The following KHDRBS2 variants were observed in gnomAD, a reference collection of about 807,000 sequenced individuals.
KHDRBS2 encodes KH RNA binding domain containing, signal transduction associated 2.
Under a neutral mutation model 44.3 loss-of-function variants are expected in KHDRBS2, and 26 were observed. That is an observed-to-expected ratio of 0.59 (90% confidence interval 0.43 to 0.81). The LOEUF (loss-of-function observed/expected upper bound fraction) is 0.81. Ranked by LOEUF, KHDRBS2 falls within the 40% of genes least tolerant of loss-of-function variation. The pLI is 0.00. For missense variants in KHDRBS2, 476 were observed against 433.1 expected (o/e 1.10, Z -0.88); for synonymous variants, 194 against 151.1 (o/e 1.28, Z -2.08).
In KHDRBS2 at chr6:61,713,800, A is replaced by G. The variant is rs116465618; in HGVS notation, c.894-16547T>C. Among the ~76,000 whole-genome samples the G allele has an allele frequency of 1.6e-3, 236 of 151,798 alleles. 1 individual carries two copies. The highest frequency in any genetic ancestry group is 5.3e-3 in the African/African-American group (219 of 41,494). Reference sequence around the variant, plus strand: ...ACAATATAGACTGGGGAAAGAACACACCTTCTTCAATAAAGGATGTTAGAA... The same window carrying G: ...ACAATATAGACTGGGGAAAGAACACGCCTTCTTCAATAAAGGATGTTAGAA... On this transcript the variant is annotated intron_variant, in intron 7 of 8. Coordinates refer to ENST00000281156, the MANE Select transcript of KHDRBS2 (RefSeq NM_152688.4).
intron 6 of KHDRBS2, among the ~76,000 whole-genome samples, chr6:61,852,752 G>A (rs567912198): frequency 6.6e-6 from 1 of 152,014 alleles, no homozygotes; most frequent in South Asian, 2.1e-4. Context: ...ACTATACAAT[G>A]GCTTAGCAAT....
intron 1 of KHDRBS2, among the ~76,000 whole-genome samples, chr6:62,197,295 T>C (rs1278523080): frequency 1.3e-5 from 2 of 152,122 alleles, no homozygotes; most frequent in Non-Finnish European, 2.9e-5. Flanking sequence ...AAGTTAAAAC[T>C]TGCAAACCCA....
the KHDRBS2 span, among the ~76,000 whole-genome samples, chr6:61,586,298 A>G: frequency 6.6e-6 from 1 of 152,186 alleles, no homozygotes; most frequent in South Asian, 2.1e-4. Flanking sequence ...TTGTCCCAAT[A>G]TCAGAACATT....
chr6:62,257,178 C>A (rs1253562755), intron 1 of KHDRBS2, among the ~76,000 whole-genome samples: 4 of 151,686 alleles, frequency 2.6e-5, no homozygotes. Flanking sequence ...ATCTTCTGTC[C>A]CAATCTTAAT....
intron 1 of KHDRBS2, among the ~76,000 whole-genome samples, chr6:62,205,983 G>A (rs1827896413): frequency 6.6e-6 from 1 of 152,162 alleles, no homozygotes; most frequent in South Asian, 2.1e-4. Flanking sequence ...ATGAATTTTA[G>A]TTGAAGAGAA....
chr6:61,821,805 G>A (rs1789961967), intron 6 of KHDRBS2, among the ~76,000 whole-genome samples: 1 of 151,456 alleles, frequency 6.6e-6, no homozygotes, highest in African/African-American at 2.4e-5. Context: ...TTTTCCATTA[G>A]AGACCAATGA....
At chr6:62,175,378 TTCTTCC>T (rs1820881655) in intron 2 of KHDRBS2, among the ~76,000 whole-genome samples, 1 of 151,612 alleles carries the variant, frequency 6.6e-6, no homozygotes, top group African/African-American at 2.4e-5. Flanking sequence ...ATTTTTCACA[TTCTTCC>T]ACACTTAACA....
intron 3 of KHDRBS2, among the ~76,000 whole-genome samples, chr6:61,983,244 T>TTCTTTC (rs1583957414): frequency 7.9e-5 from 3 of 38,020 alleles, no homozygotes; most frequent in East Asian, 7.5e-4. Flanking sequence ...TTCTTTTTTT[T>TTCTTTC]TTTTTTTTTT....
At chr6:62,061,218 G>A (rs1417236356) in intron 2 of KHDRBS2, among the ~76,000 whole-genome samples, 1 of 151,408 alleles carries the variant, frequency 6.6e-6, no homozygotes, top group Non-Finnish European at 1.5e-5. Context: ...CTGTCATTAT[G>A]ATGTTAGCTG....
At chr6:62,098,244 G>GTTTTT (rs35184806) in intron 2 of KHDRBS2, among the ~76,000 whole-genome samples, 4 of 127,842 alleles carry the variant, frequency 3.1e-5, no homozygotes, top group African/African-American at 5.8e-5. Context: ...AGCTTCAAAC[G>GTTTTT]TTTTTTTTTT....
intron 4 of KHDRBS2, among the ~76,000 whole-genome samples, chr6:61,963,878 T>C (rs1477506314): frequency 1.3e-5 from 2 of 152,030 alleles, no homozygotes; most frequent in Non-Finnish European, 2.9e-5. Flanking sequence ...TCTTACCAAA[T>C]ATTAAAAATT....
intron 2 of KHDRBS2, among the ~76,000 whole-genome samples, chr6:62,153,615 T>C (rs1242198781): frequency 6.6e-6 from 1 of 152,130 alleles, no homozygotes; most frequent in African/African-American, 2.4e-5. Context: ...TTTTAAAGCA[T>C]GGGGAGAAAA....
chr6:61,850,400 T>G (rs1583161540), intron 6 of KHDRBS2, among the ~76,000 whole-genome samples: 1 of 152,130 alleles, frequency 6.6e-6, no homozygotes, highest in African/African-American at 2.4e-5. Context: ...TATTGTACCA[T>G]AGGGAAATAC....
At chr6:61,851,700 ATGTC>A (rs1186647531) in intron 6 of KHDRBS2, among the ~76,000 whole-genome samples, 1 of 152,174 alleles carries the variant, frequency 6.6e-6, no homozygotes, top group South Asian at 2.1e-4. Flanking sequence ...AAGAAAATAA[ATGTC>A]TGTTGTTTAT....
chr6:61,621,268 C>A, the KHDRBS2 span, among the ~76,000 whole-genome samples: 1 of 152,152 alleles, frequency 6.6e-6, no homozygotes, highest in Non-Finnish European at 1.5e-5. Flanking sequence ...ATAATCCAGT[C>A]ATTTGAAATA....
chr6:61,954,125 A>T (rs1765379690), intron 4 of KHDRBS2, among the ~76,000 whole-genome samples: 1 of 152,136 alleles, frequency 6.6e-6, no homozygotes, highest in South Asian at 2.1e-4. Flanking sequence ...ACAAGGCATA[A>T]CACTGAGAAA....
Position 62,028,578 on chromosome 6 carries a change from C to T in KHDRBS2, c.336+19300G>A, listed in dbSNP as rs774188986. Reference sequence around the variant, plus strand: ...ATATGAACCATGAAATCTATATTTACTCTAAAGACACTGGTTTCCACATAT... The same window carrying T: ...ATATGAACCATGAAATCTATATTTATTCTAAAGACACTGGTTTCCACATAT... On this transcript the variant is annotated intron_variant, in intron 3 of 8. Coordinates refer to ENST00000281156, the MANE Select transcript of KHDRBS2 (RefSeq NM_152688.4). Among the ~76,000 whole-genome samples, 3 of 152,062 alleles carry T rather than the reference C, an allele frequency of 2.0e-5. No homozygotes were observed. In the East Asian group the frequency reaches 5.8e-4, roughly 29 times the overall value.
intron 2 of KHDRBS2, among the ~76,000 whole-genome samples, chr6:62,171,006 T>A (rs1259364763): frequency 1.4e-5 from 2 of 147,018 alleles, no homozygotes; most frequent in African/African-American, 2.5e-5. Flanking sequence ...TAAAGGACCA[T>A]TTACCCACAC....
intron 2 of KHDRBS2, among the ~76,000 whole-genome samples, chr6:62,120,689 T>C (rs943378251): frequency 6.6e-6 from 1 of 152,168 alleles, no homozygotes; most frequent in African/African-American, 2.4e-5. Context: ...TTTGTAGAAG[T>C]AGAAAACTTC....
Sources: allele counts gnomAD v4.1 joint callset (sites outside exome capture counted in the v4.1 genomes callset), GRCh38; gene constraint gnomAD v4.1.1; transcripts MANE v1.5; gene names NCBI Gene and HGNC (gene_info 2026-07-23, HGNC 2026-07-21).